DPYD: variants seen among roughly 807,000 people sequenced by gnomAD.
The protein encoded by DPYD is dihydropyrimidine dehydrogenase [NADP(+)].
A neutral mutation model predicts 116.2 loss-of-function variants in DPYD; 109 were observed. That is an observed-to-expected ratio of 0.94 (90% confidence interval 0.80 to 1.10). DPYD has a LOEUF of 1.10. DPYD is among the 50% of genes least tolerant of loss of function. The probability of loss-of-function intolerance (pLI) is 0.00; values close to 1 mark genes in which losing one functional copy is unlikely to be tolerated. For synonymous variants in DPYD, 440 were observed against 432.0 expected, an observed-to-expected ratio of 1.02 and a Z score of -0.23; for missense variants, 1,302 against 1,254.5, an observed-to-expected ratio of 1.04 and a Z score of -0.57.
chr1:97,489,341 A>C (rs545628159), intron 13 of DPYD, among the ~76,000 whole-genome samples: 1 of 152,338 alleles, frequency 6.6e-6, no homozygotes, highest in Admixed American at 6.5e-5. Context: ...TTAGCACAAT[A>C]AAGGTAGGAA....
intron 11 of DPYD, among the ~76,000 whole-genome samples, chr1:97,556,599 T>C (rs1346645285): frequency 6.7e-6 from 1 of 148,752 alleles, no homozygotes; most frequent in African/African-American, 2.5e-5. Flanking sequence ...AGTGAGAATA[T>C]GTGGTGTTTG....
At chr1:97,838,952 C>T (rs1231941542) in intron 2 of DPYD, among the ~76,000 whole-genome samples, 1 of 152,168 alleles carries the variant, frequency 6.6e-6, no homozygotes, top group East Asian at 1.9e-4. Context: ...AATGCTAGAA[C>T]AACAGGGACT....
chr1:97,191,902 T>C (rs1320547400), intron 20 of DPYD, among the ~76,000 whole-genome samples: 2 of 152,178 alleles, frequency 1.3e-5, no homozygotes, highest in Admixed American at 1.3e-4. Context: ...TATGATAATA[T>C]GATTAGTTAC....
In DPYD at chr1:97,344,181, T is replaced by TA. The variant is rs919565735; in HGVS notation, c.2058+29379dup. 1.9e-4 allele frequency among the ~76,000 whole-genome samples: 28 copies of TA among 150,542 alleles called. 1 individual carries two copies. Among genetic ancestry groups the TA allele is most frequent in the Non-Finnish European group, 3.4e-4 (23 of 67,352 alleles). On this transcript the variant is annotated intron_variant, in intron 16 of 22. Transcript: ENST00000370192. ...ATTATTGGTCATTATTTCTTAAAAATAAAAAAAAGAGAGAGAGAGAGAGAG... is the reference window on the plus strand; with the variant it reads ...ATTATTGGTCATTATTTCTTAAAAATAAAAAAAAAGAGAGAGAGAGAGAGAG...
chr1:97,654,192 C>T (rs1005094821), intron 8 of DPYD, among the ~76,000 whole-genome samples: 5 of 152,104 alleles, frequency 3.3e-5, no homozygotes, highest in Non-Finnish European at 7.3e-5. Flanking sequence ...GCTTCCATAA[C>T]GCATTTGAAA....
intron 16 of DPYD, among the ~76,000 whole-genome samples, chr1:97,332,509 T>C (rs1669062613): frequency 1.3e-5 from 2 of 152,192 alleles, no homozygotes; most frequent in Admixed American, 6.5e-5. Flanking sequence ...GATGATTTCG[T>C]TGAGTTTTGT....
chr1:97,468,097 A>G (rs1382161625), intron 13 of DPYD, among the ~76,000 whole-genome samples: 2 of 152,220 alleles, frequency 1.3e-5, no homozygotes, highest in African/African-American at 4.8e-5. Flanking sequence ...AGGTAGTCAT[A>G]GACAACATTA....
At chr1:97,617,792 C>A (rs952371109) in intron 8 of DPYD, among the ~76,000 whole-genome samples, 1 of 152,310 alleles carries the variant, frequency 6.6e-6, no homozygotes, top group East Asian at 1.9e-4. Flanking sequence ...TCAGACTCCA[C>A]CCCTCTGAGT....
chr1:97,484,252 G>A (rs890070174), intron 13 of DPYD, among the ~76,000 whole-genome samples: 2 of 152,064 alleles, frequency 1.3e-5, no homozygotes, highest in African/African-American at 2.4e-5. Context: ...TGCAGTGAGC[G>A]GAGATAGCAC....
At chr1:97,391,190 A>G (rs1006507330) in intron 14 of DPYD, among the ~76,000 whole-genome samples, 2 of 151,850 alleles carry the variant, frequency 1.3e-5, no homozygotes, top group Admixed American at 6.6e-5. Flanking sequence ...ACTGTAAATA[A>G]TATCTATTAA....
chr1:97,479,012 T>C (rs1401981928), intron 13 of DPYD, among the ~76,000 whole-genome samples: 1 of 152,212 alleles, frequency 6.6e-6, no homozygotes, highest in Non-Finnish European at 1.5e-5. Flanking sequence ...CAAGGCCTTG[T>C]TCCAGATCAG....
intron 7 of DPYD, among the ~76,000 whole-genome samples, chr1:97,683,393 A>G (rs895718997): frequency 6.6e-6 from 1 of 151,822 alleles, no homozygotes; most frequent in African/African-American, 2.4e-5. Context: ...TTATTAAGAA[A>G]AAGGTAATAC....
intron 4 of DPYD, among the ~76,000 whole-genome samples, chr1:97,736,915 A>T (rs1353274896): frequency 2.0e-5 from 3 of 151,374 alleles, no homozygotes; most frequent in South Asian, 2.1e-4. Flanking sequence ...TAATCTACAT[A>T]GCATATGTAC....
chr1:97,535,175 T>C (rs1489032596), intron 12 of DPYD, among the ~76,000 whole-genome samples: 1 of 152,144 alleles, frequency 6.6e-6, no homozygotes, highest in African/African-American at 2.4e-5. Context: ...CCTGGATATT[T>C]TTTGATCTGA....
chr1:97,097,399 G>A (rs954266284), intron 21 of DPYD, among the ~76,000 whole-genome samples: 1 of 152,112 alleles, frequency 6.6e-6, no homozygotes, highest in Non-Finnish European at 1.5e-5. Flanking sequence ...TTTCAGTGAG[G>A]TCTACTTGAG....
intron 4 of DPYD, among the ~76,000 whole-genome samples, chr1:97,733,186 C>T (rs1285900975): frequency 2.6e-5 from 4 of 152,028 alleles, no homozygotes; most frequent in Non-Finnish European, 5.9e-5. Flanking sequence ...ATTTTTCTCA[C>T]TCCTTATACC....
chr1:97,199,178 A>G (rs1183711123), intron 19 of DPYD, among the ~76,000 whole-genome samples: 2 of 152,262 alleles, frequency 1.3e-5, no homozygotes, highest in East Asian at 1.9e-4. Context: ...CTTTACATAC[A>G]TTATTTCTTT....
rs766609603 is a variant in DPYD, at chr1:97,082,478, T to C, written c.2767-8A>G. On this transcript the variant is annotated splice_region_variant and splice_polypyrimidine_tract_variant and intron_variant, in intron 21 of 22. Transcript: ENST00000370192. ...TGCTTTTCCTATTACATCCTAAAAATAGCCACTGAATTACTTAGCAAGCTC... is the reference window on the plus strand; with the variant it reads ...TGCTTTTCCTATTACATCCTAAAAACAGCCACTGAATTACTTAGCAAGCTC... 1.2e-6 allele frequency: 2 copies of C among 1,613,152 alleles called. No homozygotes were observed. Among genetic ancestry groups the C allele is most frequent in the Admixed American group, 1.7e-5 (1 of 60,006 alleles).
chr1:97,377,095 A>G (rs865910321), intron 15 of DPYD, among the ~76,000 whole-genome samples: 80 of 151,942 alleles, frequency 5.3e-4, no homozygotes, highest in Admixed American at 9.8e-4. Context: ...ATATATTTAA[A>G]AAGTGGAACT....
Sources: gnomAD v4.1 joint callset for allele counts (sites outside exome capture counted in the v4.1 genomes callset) on GRCh38, gnomAD v4.1.1 for gene constraint, MANE v1.5 for transcripts, NCBI Gene and HGNC (gene_info 2026-07-23, HGNC 2026-07-21) for gene names.